Variants in SRGAP1 observed in about 807,000 individuals in gnomAD.
SRGAP1 encodes the protein SLIT-ROBO Rho GTPase activating protein 1.
In SRGAP1, 43 loss-of-function variants were observed where a neutral mutation model predicts 121.9. The ratio of observed to expected loss-of-function variants is 0.35; its 90% confidence interval spans 0.28 to 0.46. The LOEUF (loss-of-function observed/expected upper bound fraction) is 0.46, where lower values mean the gene tolerates loss of function less well. SRGAP1 is among the 20% of genes least tolerant of loss of function. The pLI, the probability that SRGAP1 is intolerant of heterozygous loss-of-function variation, is 1.00. For synonymous variants in SRGAP1, 447 were observed against 485.4 expected, an observed-to-expected ratio of 0.92 and a Z score of 1.04; for missense variants, 1,102 against 1,350.9, an observed-to-expected ratio of 0.82 and a Z score of 2.89.
At chr12:64,082,268 A>G (rs757396376) in intron 10 of SRGAP1, among the ~76,000 whole-genome samples, 52 of 151,938 alleles carry the variant, frequency 3.4e-4, no homozygotes, top group Non-Finnish European at 6.3e-4. Context: ...TATGGTACCT[A>G]TTCAACATGG....
chr12:64,032,596 G>C, intron 4 of SRGAP1: 1 of 607,012 alleles, frequency 1.6e-6, no homozygotes, highest in South Asian at 2.3e-5. Flanking sequence ...TCCTGCCCCC[G>C]ACAGCTGACA....
chr12:63,920,208 C>A (rs2030985496), intron 1 of SRGAP1, among the ~76,000 whole-genome samples: 1 of 152,202 alleles, frequency 6.6e-6, no homozygotes, highest in African/African-American at 2.4e-5. Flanking sequence ...GTGGGTATAA[C>A]ATTGCATTGT....
rs2036834141 is a variant in SRGAP1, at chr12:64,134,730, C to T, written c.2880+6530C>T. Among the ~76,000 whole-genome samples the T allele has an allele frequency of 2.0e-5, 3 of 152,252 alleles. No homozygotes were observed. In the South Asian group the frequency reaches 6.2e-4, roughly 32 times the overall value. On this transcript the variant is annotated intron_variant, in intron 21 of 21. Coordinates refer to ENST00000355086, the MANE Select transcript of SRGAP1 (RefSeq NM_020762.4). ...AATGCAGAGCTCCTACTTAATGGGC[C>T]CAAATCAATAAATTCAGCCTGATCT...
chr12:64,092,174 G>A (rs2036064652), intron 12 of SRGAP1, among the ~76,000 whole-genome samples: 2 of 152,004 alleles, frequency 1.3e-5, no homozygotes, highest in African/African-American at 2.4e-5. Context: ...TTTGATCAAG[G>A]GCTTTATTAG....
At chr12:63,857,710 G>A (rs1899304084) in intron 1 of SRGAP1, among the ~76,000 whole-genome samples, 1 of 152,124 alleles carries the variant, frequency 6.6e-6, no homozygotes, top group Admixed American at 6.6e-5. Context: ...TAGCCACTTT[G>A]CTAGTCTGCT....
chr12:64,019,382 T>C (rs983918169), intron 4 of SRGAP1, among the ~76,000 whole-genome samples: 1 of 152,098 alleles, frequency 6.6e-6, no homozygotes, highest in African/African-American at 2.4e-5. Context: ...CCTATCACAG[T>C]CATTTAAGCT....
At chr12:63,917,049 G>A (rs1019468752) in intron 1 of SRGAP1, among the ~76,000 whole-genome samples, 2 of 152,062 alleles carry the variant, frequency 1.3e-5, no homozygotes, top group South Asian at 2.1e-4. Context: ...GATTTCATGT[G>A]TTCACTTTAA....
chr12:63,868,785 C>G (rs188071619), intron 1 of SRGAP1, among the ~76,000 whole-genome samples: 4 of 152,304 alleles, frequency 2.6e-5, no homozygotes, highest in Non-Finnish European at 5.9e-5. Flanking sequence ...TAAGTGCTAT[C>G]AATAGTTCTA....
intron 1 of SRGAP1, among the ~76,000 whole-genome samples, chr12:63,846,863 T>C (rs758049122): frequency 1.3e-5 from 2 of 152,128 alleles, no homozygotes; most frequent in Non-Finnish European, 2.9e-5. Flanking sequence ...TGGCACAAAT[T>C]CACCTGGTAC....
intron 6 of SRGAP1, 119 bp downstream of exon 6, chr12:64,043,694 GA>G (rs1162720938): frequency 4.2e-6 from 3 of 715,682 alleles, no homozygotes; most frequent in African/African-American, 3.7e-5. Context: ...TACTCAAAAA[GA>G]AAAAAATACT....
At chr12:63,845,330 G>T (rs1898868092) in intron 1 of SRGAP1, among the ~76,000 whole-genome samples, 1 of 152,138 alleles carries the variant, frequency 6.6e-6, no homozygotes, top group Non-Finnish European at 1.5e-5. Context: ...CTCATTGAGT[G>T]CAGGCTATTT....
At chr12:63,997,888 C>T (rs2033758566) in intron 3 of SRGAP1, among the ~76,000 whole-genome samples, 1 of 152,186 alleles carries the variant, frequency 6.6e-6, no homozygotes, top group South Asian at 2.1e-4. Context: ...TACATGGGCT[C>T]CAACCACCTT....
At chr12:63,891,457 A>C (rs1034053872) in intron 1 of SRGAP1, among the ~76,000 whole-genome samples, 1 of 152,080 alleles carries the variant, frequency 6.6e-6, no homozygotes, top group African/African-American at 2.4e-5. Context: ...TCTCCTCTGA[A>C]CCACTTCTGT....
chr12:64,011,474 T>C (rs2034249836), intron 3 of SRGAP1, among the ~76,000 whole-genome samples: 1 of 152,194 alleles, frequency 6.6e-6, no homozygotes, highest in Non-Finnish European at 1.5e-5. Flanking sequence ...TAAAAATGTT[T>C]ATACTTTTAT....
At chr12:63,868,890 G>T (rs1899756581) in intron 1 of SRGAP1, among the ~76,000 whole-genome samples, 1 of 152,114 alleles carries the variant, frequency 6.6e-6, no homozygotes, top group South Asian at 2.1e-4. Flanking sequence ...AAAGTGAATT[G>T]CTATGATTTT....
intron 1 of SRGAP1, among the ~76,000 whole-genome samples, chr12:63,950,678 G>A (rs1355471684): frequency 1.3e-5 from 2 of 152,010 alleles, no homozygotes; most frequent in Non-Finnish European, 2.9e-5. Flanking sequence ...CTTAACCAAA[G>A]TCTTTGAGTT....
chr12:63,981,376 CA>C (rs199894525), intron 1 of SRGAP1, among the ~76,000 whole-genome samples: 5 of 151,668 alleles, frequency 3.3e-5, no homozygotes, highest in South Asian at 2.1e-4. Flanking sequence ...CAAAAACAAA[CA>C]AAAAAAACCC....
At chr12:63,955,506 G>C (rs1287324154) in intron 1 of SRGAP1, among the ~76,000 whole-genome samples, 1 of 152,008 alleles carries the variant, frequency 6.6e-6, no homozygotes, top group African/African-American at 2.4e-5. Flanking sequence ...CCTCATGCCA[G>C]TTCTTTGTAA....
At chr12:64,098,199 A>G (rs1228375304) in intron 15 of SRGAP1, among the ~76,000 whole-genome samples, 1 of 151,534 alleles carries the variant, frequency 6.6e-6, no homozygotes, top group African/African-American at 2.4e-5. Context: ...ATCTGCCCTC[A>G]AAAAAAACAT....
Sources: gnomAD v4.1 joint callset for allele counts (sites outside exome capture counted in the v4.1 genomes callset) on GRCh38, gnomAD v4.1.1 for gene constraint, MANE v1.5 for transcripts, NCBI Gene and HGNC (gene_info 2026-07-23, HGNC 2026-07-21) for gene names.